The following SMTN variants were observed in gnomAD, a reference collection of about 807,000 sequenced individuals.
The protein encoded by SMTN is smoothelin.
SMTN carries 58 observed loss-of-function variants against 102.0 expected under a neutral mutation model. That is an observed-to-expected ratio of 0.57 (90% CI 0.46 to 0.71). The LOEUF is 0.71. SMTN is among the 30% of genes least tolerant of loss of function. The probability of loss-of-function intolerance (pLI) is 0.00; values close to 1 mark genes in which losing one functional copy is unlikely to be tolerated. For missense variants in SMTN, 1,185 were observed against 1,241.7 expected, an observed-to-expected ratio of 0.95 and a Z score of 0.69; for synonymous variants, 478 against 497.9, an observed-to-expected ratio of 0.96 and a Z score of 0.53.
At chr22:31,075,033 A>C (rs1184687350) in intron 1 of SMTN, among the ~76,000 whole-genome samples, 2 of 152,160 alleles carry the variant, frequency 1.3e-5, no homozygotes, top group Non-Finnish European at 2.9e-5. Context: ...CAGGCAGGTG[A>C]TGTGACTTGC....
intron 6 of SMTN, 131 bp downstream of exon 6, chr22:31,089,100 C>A: frequency 1.4e-6 from 1 of 727,870 alleles, no homozygotes; most frequent in Non-Finnish European, 2.3e-6. Flanking sequence ...CTCTATTTAG[C>A]AGTCAGAGGG....
intron 1 of SMTN, among the ~76,000 whole-genome samples, chr22:31,071,262 A>G (rs2041992545): frequency 6.7e-6 from 1 of 149,978 alleles, no homozygotes; most frequent in Non-Finnish European, 1.5e-5. Context: ...AAAAGCAATA[A>G]TGGAGGCATT....
At chr22:31,083,543 C>T in intron 2 of SMTN, 1 of 493,252 alleles carries the variant, frequency 2.0e-6, no homozygotes, top group South Asian at 2.6e-5. Context: ...ACAGCCACCA[C>T]CTGTTTAAAC....
chr22:31,078,912 C>T (rs922959894), upstream of SMTN, among the ~76,000 whole-genome samples: 1 of 152,168 alleles, frequency 6.6e-6, no homozygotes. Context: ...ACAAGTGTGA[C>T]ACACAGTTTA....
intron 1 of SMTN, chr22:31,065,412 C>T (rs1463899545): frequency 6.6e-6 from 1 of 151,856 alleles, no homozygotes; most frequent in Non-Finnish European, 1.5e-5. Flanking sequence ...GCAGTGGTGC[C>T]ATTTCGGCTC....
intron 11 of SMTN, among the ~76,000 whole-genome samples, chr22:31,094,235 T>G (rs1441107579): frequency 1.3e-5 from 2 of 152,222 alleles, no homozygotes; most frequent in African/African-American, 4.8e-5. Flanking sequence ...CTTGGGGCCT[T>G]GTCTTCAAGG....
intron 2 of SMTN, chr22:31,087,087 A>G (rs2042757910): frequency 6.6e-6 from 1 of 152,244 alleles, no homozygotes; most frequent in South Asian, 2.1e-4. Context: ...TTCCAGGGGA[A>G]CCCTGGGCCA....
chr22:31,103,541 G>T (rs1465088809), intron 20 of SMTN: 1 of 152,312 alleles, frequency 6.6e-6, no homozygotes, highest in African/African-American at 2.4e-5. Flanking sequence ...CATGGGGCTT[G>T]AAACAAATGG....
In SMTN at chr22:31,104,469, T is replaced by C. The variant is rs767921903; in HGVS notation, c.*174T>C. 1 of 1,612,144 alleles carries C rather than the reference T, an allele frequency of 6.2e-7. No homozygotes were observed. The highest frequency in any genetic ancestry group is 1.1e-5 in the South Asian group (1 of 91,078). On this transcript the variant is annotated 3_prime_UTR_variant, in exon 21 of 21. Coordinates refer to ENST00000333137, the MANE Select transcript of SMTN (RefSeq NM_134269.3). Reference sequence around the variant, plus strand: ...GCCTGCGCGGCAAGAATGTCTAGCCTGCCCGCCCGCATGGCCAGCCAGTGG... The same window carrying C: ...GCCTGCGCGGCAAGAATGTCTAGCCCGCCCGCCCGCATGGCCAGCCAGTGG...
chr22:31,097,107 C>A, intron 15 of SMTN, 47 bp downstream of exon 15: 3 of 1,576,614 alleles, frequency 1.9e-6, no homozygotes, highest in Non-Finnish European at 2.6e-6. Context: ...TGTCCGCCCA[C>A]CTCCTCCGGC....
chr22:31,084,012 T>C (rs2042487829), intron 2 of SMTN, among the ~76,000 whole-genome samples: 1 of 152,200 alleles, frequency 6.6e-6, no homozygotes, highest in South Asian at 2.1e-4. Flanking sequence ...GGGAGGGAGA[T>C]GTGTTTGCAC....
In SMTN at chr22:31,096,948, C is replaced by T. The variant is rs201090362; in HGVS notation, c.2027-50C>T. 102 of 1,612,776 alleles carry T rather than the reference C, an allele frequency of 6.3e-5. 1 individual carries two copies. The African/African-American group carries it at 1.2e-3, about 20-fold the overall frequency. On this transcript the variant is annotated intron_variant, in intron 14 of 20. Transcript: ENST00000333137. ...AGGGCTCAGGGTGGGAACACATCCT[C>T]CCCCAGCCCCCTGTGCCTTTCACAT...
intron 20 of SMTN, chr22:31,101,471 G>A (rs2044081586): frequency 6.1e-6 from 1 of 163,368 alleles, no homozygotes; most frequent in South Asian, 1.7e-4. Flanking sequence ...GGATATGAGG[G>A]AGGAGGGGGC....
At position 31,088,900 on chromosome 22, in the gene SMTN, C is replaced by T. The variant is rs141930003; in HGVS notation, c.402C>T (p.Ser134=). Residue 134 remains serine, a synonymous_variant, in exon 6 of 21, where the codon AGC becomes AGT. Transcript: ENST00000333137. ...EAATLAGRLY[S]GRPNSGSRED... is the part of the protein sequence containing the mutation. ...CCACCTTGGCTGGGAGGTTGTACAGCGGGCGTCCCAACAGTGGCTCAAGAG... is the reference window on the plus strand; with the variant it reads ...CCACCTTGGCTGGGAGGTTGTACAGTGGGCGTCCCAACAGTGGCTCAAGAG... The T allele has an allele frequency of 9.7e-5, 156 of 1,613,978 alleles. 1 individual carries two copies. The highest frequency in any genetic ancestry group is 1.2e-4 in the Non-Finnish European group (136 of 1,180,006).
At chr22:31,097,669 A>G (rs1249491629) in intron 16 of SMTN, among the ~76,000 whole-genome samples, 1 of 151,948 alleles carries the variant, frequency 6.6e-6, no homozygotes, top group Non-Finnish European at 1.5e-5. Flanking sequence ...ACTCCACTGC[A>G]CTCCAGTCTG....
intron 11 of SMTN, chr22:31,093,637 G>A: frequency 1.3e-6 from 1 of 772,702 alleles, no homozygotes; most frequent in South Asian, 1.4e-5. Context: ...AGAGAGAGCA[G>A]CACTGAGCCG....
chr22:31,098,134 C>T (rs1470346085), intron 16 of SMTN, among the ~76,000 whole-genome samples: 1 of 152,150 alleles, frequency 6.6e-6, no homozygotes, highest in Admixed American at 6.5e-5. Context: ...AGGATGAGAA[C>T]CAAAGGGGTC....
At position 31,091,541 on chromosome 22, in the gene SMTN, T is replaced by C. The variant is rs546053036; in HGVS notation, c.1459+59T>C. 4.3e-5 allele frequency: 65 copies of C among 1,512,296 alleles called. 1 individual carries two copies. In the South Asian group the frequency reaches 8.2e-4, roughly 19 times the overall value. The allele number at this position is 1,512,296 out of a possible 1,614,324, so 93.7% of individuals were successfully genotyped here. A position where few individuals can be genotyped will look rare whatever the true frequency, so the allele number is the denominator to read the frequency against. ...GAGTGCCTGCAACCGCACTTCTGCA[T>C]GCAGGACAGGTGCTGCGGCCAGGAC... On this transcript the variant is annotated intron_variant, in intron 10 of 20. Coordinates refer to ENST00000333137, the MANE Select transcript of SMTN (RefSeq NM_134269.3).
chr22:31,093,829 A>T, intron 11 of SMTN: 6 of 1,590,484 alleles, frequency 3.8e-6, no homozygotes, highest in Non-Finnish European at 4.3e-6. Flanking sequence ...ACCTGCCTTC[A>T]GCACCCGCCG....
Sources: gnomAD v4.1 joint callset for allele counts (sites outside exome capture counted in the v4.1 genomes callset) on GRCh38, gnomAD v4.1.1 for gene constraint, MANE v1.5 for transcripts, NCBI Gene and HGNC (gene_info 2026-07-23, HGNC 2026-07-21) for gene names.